The following ATG2B variants were observed in gnomAD, a reference collection of about 807,000 sequenced individuals.
The protein encoded by ATG2B is autophagy-related protein 2 homolog B.
ATG2B carries 121 observed loss-of-function variants against 241.3 expected under a neutral mutation model. The ratio of observed to expected loss-of-function variants is 0.50; its 90% CI spans 0.43 to 0.58. The LOEUF is 0.58. Among genes scored for constraint, ATG2B ranks in the 20% least tolerant of loss-of-function variants. ATG2B has a pLI of 0.00. For missense variants in ATG2B, 2,306 were observed against 2,491.6 expected (o/e 0.93, Z 1.59); for synonymous variants, 858 against 876.6 (o/e 0.98, Z 0.37).
In ATG2B at chr14:96,285,679, T is replaced by G; in HGVS notation, c.*76A>C. On this transcript the variant is annotated 3_prime_UTR_variant, in exon 42 of 42. Coordinates refer to ENST00000359933, the MANE Select transcript of ATG2B (RefSeq NM_018036.7). The surrounding 1 kb of genome is among the most constrained non-coding windows in gnomAD (Gnocchi z 4.2). ...ATGAGCACAATAAAATTAAACGAGC[T>G]TCCTCTGAAGCTGCTGTCAGGACTC... is the stretch of plus-strand genomic sequence containing the variant. 2 of 1,359,692 alleles carry G rather than the reference T, an allele frequency of 1.5e-6. No homozygotes were observed. Among genetic ancestry groups the G allele is most frequent in the Non-Finnish European group, 1.0e-6 (1 of 966,160 alleles). 84.2% of individuals were successfully genotyped at this position (1,359,692 alleles called of 1,614,324 possible).
intron 1 of ATG2B, among the ~76,000 whole-genome samples, chr14:96,351,501 T>C (rs1249577821): frequency 6.6e-6 from 1 of 152,044 alleles, no homozygotes; most frequent in South Asian, 2.1e-4. Context: ...TTTGGGAGGC[T>C]GAGGCAGGCA....
chr14:96,347,299 C>T lies in ATG2B; in HGVS notation c.205G>A (p.Val69Ile). ...ATTGACTGAATGAATCCTTCAGTGACTTCTAAGGGTGCATCTGCTGACTCC... is the reference window on the plus strand; with the variant it reads ...ATTGACTGAATGAATCCTTCAGTGATTTCTAAGGGTGCATCTGCTGACTCC... ...ILESADAPLE[V>I]TEGFIQSISL... The change falls in exon 2 of 42, where the codon GTC (valine) becomes ATC (isoleucine). Residue 69 changes from valine (V) to isoleucine (I), a missense_variant. This residue lies in a region of ATG2B where 1,927 missense variants were observed against 2,011.2 expected (regional missense o/e 0.96). Coordinates refer to ENST00000359933, the MANE Select transcript of ATG2B (RefSeq NM_018036.7). 3 of 1,605,166 alleles carry T rather than the reference C, an allele frequency of 1.9e-6. No individual in the cohort carries two copies. Among genetic ancestry groups the T allele is most frequent in the Non-Finnish European group, 8.5e-7 (1 of 1,172,924 alleles).
At chr14:96,333,011 T>C (rs1887781306) in intron 8 of ATG2B, among the ~76,000 whole-genome samples, 1 of 152,164 alleles carries the variant, frequency 6.6e-6, no homozygotes, top group African/African-American at 2.4e-5. Context: ...TAGTTTCATC[T>C]GGATACAGTT....
intron 3 of ATG2B, among the ~76,000 whole-genome samples, chr14:96,344,992 T>C (rs918292943): frequency 3.3e-5 from 5 of 152,124 alleles, no homozygotes; most frequent in African/African-American, 4.8e-5. Context: ...ACACTATCTG[T>C]TATATTCTAA....
At chr14:96,331,965 T>C (rs1409723009) in intron 10 of ATG2B, among the ~76,000 whole-genome samples, 1 of 152,060 alleles carries the variant, frequency 6.6e-6, no homozygotes, top group African/African-American at 2.4e-5. Context: ...CAATTAAATT[T>C]TGCAGAAAAG....
chr14:96,323,096 C>T (rs1281934027), intron 16 of ATG2B, among the ~76,000 whole-genome samples: 2 of 152,176 alleles, frequency 1.3e-5, no homozygotes, highest in Non-Finnish European at 2.9e-5. Flanking sequence ...AATTACTTGT[C>T]TACCTAAGAA....
At chr14:96,297,103 T>G (rs895558608) in intron 34 of ATG2B, among the ~76,000 whole-genome samples, 5 of 152,302 alleles carry the variant, frequency 3.3e-5, no homozygotes, top group African/African-American at 1.2e-4. Context: ...ATGTATTTTA[T>G]GTATTATTTC....
intron 1 of ATG2B, among the ~76,000 whole-genome samples, chr14:96,360,459 T>C (rs1317800526): frequency 2.6e-5 from 4 of 152,372 alleles, no homozygotes; most frequent in East Asian, 1.9e-4. Context: ...ATTAAAAACA[T>C]TGCTTATTTT....
At chr14:96,344,442 G>T (rs1595331079) in intron 4 of ATG2B, among the ~76,000 whole-genome samples, 1 of 152,018 alleles carries the variant, frequency 6.6e-6, no homozygotes, top group East Asian at 1.9e-4. Context: ...AATTCAACAT[G>T]GTATTATATA....
chr14:96,287,240 C>G (rs1325134270), intron 41 of ATG2B, among the ~76,000 whole-genome samples: 1 of 104,688 alleles, frequency 9.6e-6, no homozygotes, highest in African/African-American at 4.2e-5. Context: ...GGCAACAGAG[C>G]GAGACTCCGT....
At chr14:96,355,870 C>G (rs1036052887) in intron 1 of ATG2B, among the ~76,000 whole-genome samples, 1 of 152,010 alleles carries the variant, frequency 6.6e-6, no homozygotes, top group African/African-American at 2.4e-5. Flanking sequence ...TAAGACAGAG[C>G]ATAAAAACGC....
chr14:96,307,930 C>T (rs947866858), intron 29 of ATG2B, among the ~76,000 whole-genome samples: 4 of 151,750 alleles, frequency 2.6e-5, no homozygotes, highest in African/African-American at 9.7e-5. Flanking sequence ...TAAAACCAAA[C>T]ACTGTGATGA....
chr14:96,342,592 T>A (rs759773066), intron 5 of ATG2B, among the ~76,000 whole-genome samples: 2 of 151,550 alleles, frequency 1.3e-5, no homozygotes, highest in African/African-American at 2.4e-5. Context: ...CATGGTAGCA[T>A]GTGCCTGTAA....
In ATG2B at chr14:96,332,493, T is replaced by C; in HGVS notation, c.1362+8A>G. The C allele has an allele frequency of 1.2e-6, 2 of 1,611,414 alleles. No homozygotes were observed. The highest frequency in any genetic ancestry group is 2.7e-5 in the African/African-American group (2 of 74,784). Reference sequence around the variant, plus strand: ...TCAGTCTAGAAGAAAAATTAAGTAATACTTTACCACAGTAGCACTTAATGG... The same window carrying C: ...TCAGTCTAGAAGAAAAATTAAGTAACACTTTACCACAGTAGCACTTAATGG... On this transcript the variant is annotated splice_region_variant and intron_variant, in intron 9 of 41. Transcript: ENST00000359933.
intron 6 of ATG2B, among the ~76,000 whole-genome samples, chr14:96,339,818 A>C (rs1887964255): frequency 6.6e-6 from 1 of 151,926 alleles, no homozygotes; most frequent in Admixed American, 6.6e-5. Context: ...CTCAGAATTT[A>C]CCACTAAAGA....
At chr14:96,306,315 CA>C (rs1886946270) in intron 30 of ATG2B, among the ~76,000 whole-genome samples, 1 of 152,164 alleles carries the variant, frequency 6.6e-6, no homozygotes, top group South Asian at 2.1e-4. Context: ...CATACACACA[CA>C]CACTTATATC....
Position 96,289,165 on chromosome 14 carries a change from C to T in ATG2B, c.6006+491G>A, listed in dbSNP as rs1886415074. Among the ~76,000 whole-genome samples the T allele has an allele frequency of 6.6e-6, 1 of 152,152 alleles. No individual in the cohort carries two copies. Among genetic ancestry groups the T allele is most frequent in the Admixed American group, 6.5e-5 (1 of 15,278 alleles). The stretch of plus-strand genomic sequence containing the variant: ...TACGGAAACTTTTAAAACATTAACA[C>T]TAGTATGTTTTGCTTATAAATACAT... On this transcript the variant is annotated intron_variant, in intron 41 of 41. Transcript: ENST00000359933. This position sits in a 1 kb window ranked among gnomAD's most constrained non-coding sequence, Gnocchi z 4.3.
Position 96,350,545 on chromosome 14 carries a change from A to G in ATG2B, c.163-3204T>C, listed in dbSNP as rs551666568. On this transcript the variant is annotated intron_variant, in intron 1 of 41. Coordinates refer to ENST00000359933, the MANE Select transcript of ATG2B (RefSeq NM_018036.7). Reference sequence around the variant, plus strand: ...GGAGCAAACCAGACTACAACAGGAGACAGACAGAAAGAACGTAAATGCGAT... The same window carrying G: ...GGAGCAAACCAGACTACAACAGGAGGCAGACAGAAAGAACGTAAATGCGAT... Among the ~76,000 whole-genome samples, 8 of 152,324 alleles carry G rather than the reference A, an allele frequency of 5.3e-5. No individual in the cohort carries two copies. The East Asian group carries it at 1.2e-3, about 22-fold the overall frequency.
In ATG2B at chr14:96,325,106, T is replaced by C. The variant is rs144585111; in HGVS notation, c.2437+543A>G. ...ATAAAAGTCACTAGCGATTAGTTAG[T>C]GTAATGGTTGAAAGCTCAAGCTCCA... On this transcript the variant is annotated intron_variant, in intron 15 of 41. Transcript: ENST00000359933. Among the ~76,000 whole-genome samples the C allele has an allele frequency of 9.7e-4, 148 of 152,310 alleles. 1 individual carries two copies. The highest frequency in any genetic ancestry group is 3.4e-3 in the African/African-American group (141 of 41,576).
Sources: allele counts gnomAD v4.1 joint callset (sites outside exome capture counted in the v4.1 genomes callset), GRCh38; gene constraint gnomAD v4.1.1; regional missense constraint gnomAD v4.1.1; non-coding constraint Gnocchi (gnomAD v3.1); transcripts MANE v1.5; gene names NCBI Gene and HGNC (gene_info 2026-07-23, HGNC 2026-07-21).